The following OR4N2 variants were observed in gnomAD, a reference collection of about 807,000 sequenced individuals.
OR4N2 encodes the protein olfactory receptor family 4 subfamily N member 2, also known as olfactory receptor 4N2.
For missense variants in OR4N2, 307 were observed against 377.6 expected, an observed-to-expected ratio of 0.81 and a Z score of 1.55; for synonymous variants, 141 against 140.4, an observed-to-expected ratio of 1.00 and a Z score of -0.03.
chr14:19,825,836 G>T (rs1180669123), intron 1 of OR4N2, among the ~76,000 whole-genome samples: 1 of 152,180 alleles, frequency 6.6e-6, no homozygotes, highest in Non-Finnish European at 1.5e-5. Flanking sequence ...GGGATTACAG[G>T]CATGAGTCAT....
At chr14:19,820,947 C>A (rs555230234) in intron 1 of OR4N2, among the ~76,000 whole-genome samples, 1 of 152,340 alleles carries the variant, frequency 6.6e-6, no homozygotes, top group Admixed American at 6.5e-5. Flanking sequence ...ATAGTTCTAT[C>A]TTGCTGGCAT....
intron 1 of OR4N2, among the ~76,000 whole-genome samples, chr14:19,805,285 T>G (rs1228623280): frequency 6.6e-6 from 1 of 152,188 alleles, no homozygotes; most frequent in Non-Finnish European, 1.5e-5. Context: ...GAATTCAGGA[T>G]CTGGATGTCA....
intron 1 of OR4N2, among the ~76,000 whole-genome samples, chr14:19,826,892 G>A (rs1228081077): frequency 6.6e-6 from 1 of 152,226 alleles, no homozygotes; most frequent in Non-Finnish European, 1.5e-5. Flanking sequence ...AGACCAAAAG[G>A]AGTATAATAA....
intron 1 of OR4N2, among the ~76,000 whole-genome samples, chr14:19,824,139 A>T (rs1393798157): frequency 1.3e-5 from 2 of 152,280 alleles, no homozygotes; most frequent in South Asian, 2.1e-4. Flanking sequence ...AACTTTCTCT[A>T]CTAATTTGCC....
chr14:19,809,319 C>T (rs1463364724), intron 1 of OR4N2, among the ~76,000 whole-genome samples: 10 of 152,122 alleles, frequency 6.6e-5, no homozygotes, highest in African/African-American at 2.4e-4. Flanking sequence ...TGGCTGAGTC[C>T]TCAAAGGTAA....
intron 1 of OR4N2, among the ~76,000 whole-genome samples, chr14:19,823,575 G>C (rs1483990644): frequency 6.6e-6 from 1 of 152,216 alleles, no homozygotes; most frequent in East Asian, 1.9e-4. Flanking sequence ...AGATGTATTA[G>C]CAAGACAGGT....
chr14:19,827,998 GTCA>G lies in OR4N2; in HGVS notation c.554_556del (p.Ile185del). On this transcript the variant is annotated inframe_deletion, in exon 2 of 2. Transcript: ENST00000557677. ...CAACTTCTTCTGTGATGTCCCACAG[GTCA>G]TCAAGCTGGCCTGCACCGACACATT... 2 of 1,614,228 alleles carry G rather than the reference GTCA, an allele frequency of 1.2e-6. No individual in the cohort carries two copies. Among genetic ancestry groups the G allele is most frequent in the South Asian group, 2.2e-5 (2 of 91,088 alleles).
At chr14:19,808,979 A>G (rs1879232183) in intron 1 of OR4N2, among the ~76,000 whole-genome samples, 1 of 152,212 alleles carries the variant, frequency 6.6e-6, no homozygotes, top group African/African-American at 2.4e-5. Context: ...ACTTACAACC[A>G]TCTGCTCTTC....
intron 1 of OR4N2, among the ~76,000 whole-genome samples, chr14:19,807,279 C>G (rs1879187907): frequency 6.6e-6 from 1 of 151,382 alleles, no homozygotes; most frequent in African/African-American, 2.4e-5. Context: ...TACAAAAGGT[C>G]AGTGAAACCA....
At chr14:19,820,113 G>T (rs561444705) in intron 1 of OR4N2, among the ~76,000 whole-genome samples, 7 of 152,350 alleles carry the variant, frequency 4.6e-5, no homozygotes, top group Non-Finnish European at 1.0e-4. Flanking sequence ...CCTGTATGAG[G>T]TGTCTGTTGA....
chr14:19,811,567 A>C (rs1594394619), intron 1 of OR4N2, among the ~76,000 whole-genome samples: 1 of 152,286 alleles, frequency 6.6e-6, no homozygotes, highest in East Asian at 1.9e-4. Context: ...TTTAAAACAA[A>C]GTATTAGCAA....
At chr14:19,822,858 G>T (rs926926073) in intron 1 of OR4N2, among the ~76,000 whole-genome samples, 4 of 152,206 alleles carry the variant, frequency 2.6e-5, no homozygotes, top group Non-Finnish European at 4.4e-5. Context: ...GACAACTCAG[G>T]CTTCTGAAAG....
At chr14:19,816,061 T>TCTGTTTTGGTACCAGTACTATG (rs1420604231) in intron 1 of OR4N2, among the ~76,000 whole-genome samples, 2 of 152,250 alleles carry the variant, frequency 1.3e-5, no homozygotes, top group African/African-American at 4.8e-5. Context: ...GGTCTATAGA[T>TCTGTTTTGGTACCAGTACTATG]CTGTTTTGGT....
rs1478635426 is a variant in OR4N2 at position 19,829,953 on chromosome 14, C to T, written c.*1581C>T. ...TGAGAAAGGTAGCAGGTGAGAATTC[C>T]TTAATCTCCCATCACTACCACTATA... On this transcript the variant is annotated 3_prime_UTR_variant, in exon 2 of 2. Coordinates refer to ENST00000557677, the MANE Select transcript of OR4N2 (RefSeq NM_001004723.3). 8 of 152,342 alleles carry T rather than the reference C, an allele frequency of 5.3e-5. No homozygotes were observed. In the East Asian group the frequency reaches 1.5e-3, roughly 29 times the overall value. The allele number at this position is 152,342 out of a possible 1,614,324, so 9.4% of individuals were successfully genotyped here.
intron 1 of OR4N2, among the ~76,000 whole-genome samples, chr14:19,810,425 C>T (rs1266775563): frequency 6.6e-6 from 1 of 152,210 alleles, no homozygotes; most frequent in Non-Finnish European, 1.5e-5. Context: ...TGGAAAGCAG[C>T]ATGGCAATTT....
chr14:19,807,396 G>C (rs944180452), intron 1 of OR4N2, among the ~76,000 whole-genome samples: 33 of 152,022 alleles, frequency 2.2e-4, no homozygotes, highest in Admixed American at 7.2e-4. Flanking sequence ...AAATAAAAAT[G>C]ATGTTGCAAC....
intron 1 of OR4N2, among the ~76,000 whole-genome samples, chr14:19,818,723 TATG>T (rs2138473543): frequency 6.6e-6 from 1 of 151,964 alleles, no homozygotes; most frequent in South Asian, 2.1e-4. Flanking sequence ...ATCCTGTAAT[TATG>T]ATGTTATCTG....
At chr14:19,812,643 C>A (rs1325058553) in intron 1 of OR4N2, among the ~76,000 whole-genome samples, 1 of 152,198 alleles carries the variant, frequency 6.6e-6, no homozygotes, top group Admixed American at 6.5e-5. Context: ...CAGGCGTGAG[C>A]CACCGTGCCC....
intron 1 of OR4N2, among the ~76,000 whole-genome samples, chr14:19,817,002 T>C (rs1353861269): frequency 2.0e-5 from 3 of 152,262 alleles, no homozygotes; most frequent in Non-Finnish European, 4.4e-5. Flanking sequence ...GTTTACTGAT[T>C]GGGTATGTTG....
Sources: gnomAD v4.1 joint callset for allele counts (sites outside exome capture counted in the v4.1 genomes callset) on GRCh38, gnomAD v4.1.1 for gene constraint, MANE v1.5 for transcripts, NCBI Gene and HGNC (gene_info 2026-07-23, HGNC 2026-07-21) for gene names.